Variants in CLNK observed in about 807,000 individuals in gnomAD.
CLNK encodes cytokine dependent hematopoietic cell linker.
In CLNK, 74 loss-of-function variants were observed where a neutral mutation model predicts 68.6. The observed-to-expected ratio is 1.08, with a 90% CI of 0.89 to 1.31. The LOEUF (loss-of-function observed/expected upper bound fraction) is 1.31. CLNK is among the 50% of genes most tolerant of loss of function. The pLI is 0.00. For missense variants in CLNK, 553 were observed against 515.3 expected (o/e 1.07, Z -0.71); for synonymous variants, 198 against 172.2 (o/e 1.15, Z -1.17).
chr4:10,640,164 T>C (rs1188878382), intron 2 of CLNK, among the ~76,000 whole-genome samples: 1 of 152,152 alleles, frequency 6.6e-6, no homozygotes, highest in Non-Finnish European at 1.5e-5. Context: ...TAACATTTTT[T>C]TTTTTTGTCT....
At chr4:10,686,793 C>G (rs1725287862), upstream of CLNK, among the ~76,000 whole-genome samples, 1 of 151,970 alleles carries the variant, frequency 6.6e-6, no homozygotes, top group African/African-American at 2.4e-5. Flanking sequence ...GGCTAGACTG[C>G]AATAAGAACC....
chr4:10,562,957 C>A (rs952551459), intron 7 of CLNK, among the ~76,000 whole-genome samples: 1 of 152,128 alleles, frequency 6.6e-6, no homozygotes, highest in African/African-American at 2.4e-5. Flanking sequence ...CTAGCAGGCA[C>A]CGATGACATA....
upstream of CLNK, among the ~76,000 whole-genome samples, chr4:10,687,569 G>A (rs914150394): frequency 3.3e-5 from 5 of 152,120 alleles, no homozygotes; most frequent in Non-Finnish European, 7.4e-5. Context: ...GGAGGTGTCC[G>A]GGATCACATT....
At chr4:10,710,881 G>C in the CLNK span, among the ~76,000 whole-genome samples, 122,539 of 152,152 alleles carry the variant, frequency 0.81, 49,718 homozygotes, top group Admixed American at 0.86. Flanking sequence ...GACAAATGAA[G>C]AATTTGATGA....
chr4:10,603,363 T>G (rs2108848789), intron 2 of CLNK, among the ~76,000 whole-genome samples: 1 of 152,370 alleles, frequency 6.6e-6, no homozygotes, highest in African/African-American at 2.4e-5. Flanking sequence ...GATTTTCACC[T>G]AACTGGTCAT....
rs537162630 is a variant in CLNK, at chr4:10,578,929, A to G, written c.112+5998T>C. Among the ~76,000 whole-genome samples, 9 of 152,264 alleles carry G rather than the reference A, an allele frequency of 5.9e-5. No homozygotes were observed. In the East Asian group the frequency reaches 1.7e-3, roughly 29 times the overall value. ...GATCAGCACTGTGTAGCTAAATTAG[A>G]TAAGTTTATAAAGTGCCAGGCACAA... On this transcript the variant is annotated intron_variant, in intron 4 of 18. Transcript: ENST00000226951.
chr4:10,589,174 A>C (rs1290225303), intron 3 of CLNK, among the ~76,000 whole-genome samples: 2 of 152,244 alleles, frequency 1.3e-5, no homozygotes. Context: ...CATTGAAGGC[A>C]TAGACTTAGG....
the CLNK span, among the ~76,000 whole-genome samples, chr4:10,700,865 C>T: frequency 5.3e-5 from 8 of 152,102 alleles, no homozygotes; most frequent in African/African-American, 1.4e-4. Flanking sequence ...TATATATGTA[C>T]ATCTTATACA....
intron 2 of CLNK, among the ~76,000 whole-genome samples, chr4:10,661,860 A>G (rs1191722474): frequency 6.6e-6 from 1 of 152,176 alleles, no homozygotes; most frequent in African/African-American, 2.4e-5. Flanking sequence ...AGTGTTTGAG[A>G]AGATTCTCAA....
At chr4:10,644,690 G>A (rs147238325) in intron 2 of CLNK, among the ~76,000 whole-genome samples, 15 of 152,290 alleles carry the variant, frequency 9.8e-5, no homozygotes, top group East Asian at 1.9e-4. Context: ...TAACATTAAT[G>A]CAAACAATTC....
At chr4:10,696,613 G>A in the CLNK span, among the ~76,000 whole-genome samples, 1 of 152,166 alleles carries the variant, frequency 6.6e-6, no homozygotes, top group African/African-American at 2.4e-5. Flanking sequence ...GGCTGTAGGA[G>A]AAGAGCACCA....
At chr4:10,623,257 G>A (rs778941137) in intron 2 of CLNK, among the ~76,000 whole-genome samples, 5 of 152,176 alleles carry the variant, frequency 3.3e-5, no homozygotes, top group Non-Finnish European at 7.3e-5. Context: ...GGATACCTGT[G>A]TTGGAGAGGG....
rs1212364814 is a variant in CLNK at position 10,597,902 on chromosome 4, G to A, written c.83+76C>T. The A allele has an allele frequency of 1.2e-5, 12 of 1,007,814 alleles. No homozygotes were observed. In the East Asian group the frequency reaches 3.1e-4, roughly 26 times the overall value. The allele number at this position is 1,007,814 out of a possible 1,614,324, so 62.4% of individuals were successfully genotyped here. A position where few individuals can be genotyped will look rare whatever the true frequency, so the allele number is the denominator to read the frequency against. ...ATTCCATCACATTGACAATTTTCGT[G>A]TTTGTGATGGTCAGCTTATTTGCTA... On this transcript the variant is annotated intron_variant, in intron 3 of 18. Transcript: ENST00000226951.
chr4:10,636,840 T>C (rs1266962441), intron 2 of CLNK, among the ~76,000 whole-genome samples: 1 of 152,182 alleles, frequency 6.6e-6, no homozygotes. Flanking sequence ...ACCAAAGCTT[T>C]TGTAGGGGAG....
At chr4:10,542,301 G>C (rs1353072680) in intron 8 of CLNK, 21 bp from the exon 9 acceptor site, 1 of 1,505,778 alleles carries the variant, frequency 6.6e-7, no homozygotes, top group Non-Finnish European at 9.1e-7. Flanking sequence ...AGAGGGAATA[G>C]CAGTGAATTT....
At chr4:10,569,078 T>G (rs990028743) in intron 5 of CLNK, among the ~76,000 whole-genome samples, 7 of 152,192 alleles carry the variant, frequency 4.6e-5, no homozygotes, top group African/African-American at 1.7e-4. Flanking sequence ...TTCTAGTTCA[T>G]TCGATCAGGT....
chr4:10,509,528 T>TC (rs1006122019), intron 16 of CLNK, among the ~76,000 whole-genome samples: 2 of 22,298 alleles, frequency 9.0e-5, no homozygotes, highest in African/African-American at 1.8e-4. Context: ...AGTCACCTCT[T>TC]TTTTTTTTTT....
chr4:10,689,288 C>T (rs1725380120), upstream of CLNK, among the ~76,000 whole-genome samples: 1 of 151,994 alleles, frequency 6.6e-6, no homozygotes, highest in African/African-American at 2.4e-5. Context: ...GCACAAGACA[C>T]TGTACCAGGC....
chr4:10,508,126 C>G (rs567498199), intron 16 of CLNK, 90 bp from the exon 17 acceptor site: 9 of 961,794 alleles, frequency 9.4e-6, no homozygotes, highest in Middle Eastern at 4.2e-4. Context: ...TTTGCTCCAC[C>G]AGTGCCTAAT....
Sources: allele counts gnomAD v4.1 joint callset (sites outside exome capture counted in the v4.1 genomes callset), GRCh38; gene constraint gnomAD v4.1.1; transcripts MANE v1.5; gene names NCBI Gene and HGNC (gene_info 2026-07-23, HGNC 2026-07-21).